The following SPO11 variants were observed in gnomAD, a reference collection of about 807,000 sequenced individuals.
The protein encoded by SPO11 is meiotic recombination protein SPO11.
Under a neutral mutation model 51.6 loss-of-function variants are expected in SPO11, and 49 were observed. The ratio of observed to expected loss-of-function variants is 0.95; its 90% confidence interval spans 0.75 to 1.20. SPO11 has a LOEUF of 1.20. Ranked by LOEUF, SPO11 falls within the 50% of genes most tolerant of loss-of-function variation. The pLI is 0.00. For missense variants in SPO11, 431 were observed against 473.4 expected, an observed-to-expected ratio of 0.91 and a Z score of 0.83; for synonymous variants, 176 against 158.2, an observed-to-expected ratio of 1.11 and a Z score of -0.84.
At chr20:57,330,038 T>C in intron 1 of SPO11, 40 bp downstream of exon 1, 2 of 1,530,540 alleles carry the variant, frequency 1.3e-6, no homozygotes, top group East Asian at 2.4e-5. Flanking sequence ...AGCCACTCTG[T>C]AGAAAAGTCG....
At chr20:57,333,635 G>A (rs1055143520) in intron 3 of SPO11, 52 bp from the exon 4 acceptor site, 2 of 962,948 alleles carry the variant, frequency 2.1e-6, no homozygotes, top group Non-Finnish European at 1.6e-6. Context: ...AGTATCTTTT[G>A]AATCAGTAAG....
chr20:57,339,561 T>G (rs1250422835), intron 10 of SPO11, among the ~76,000 whole-genome samples: 5 of 152,034 alleles, frequency 3.3e-5, no homozygotes, highest in Non-Finnish European at 7.4e-5. Flanking sequence ...CCAAAATCTC[T>G]AGGGGTGGGA....
chr20:57,338,761 A>T (rs1177794245), intron 9 of SPO11, among the ~76,000 whole-genome samples: 1 of 151,782 alleles, frequency 6.6e-6, no homozygotes, highest in African/African-American at 2.4e-5. Flanking sequence ...TGTGTTTTCT[A>T]CTCTCGGGAC....
At chr20:57,333,576 A>T in intron 3 of SPO11, 111 bp from the exon 4 acceptor site, 1 of 710,782 alleles carries the variant, frequency 1.4e-6, no homozygotes, top group East Asian at 2.7e-5. Flanking sequence ...CATTTTGGAA[A>T]GATAATTTTT....
intron 9 of SPO11, among the ~76,000 whole-genome samples, chr20:57,338,660 G>T (rs1267413016): frequency 6.6e-6 from 1 of 151,898 alleles, no homozygotes; most frequent in East Asian, 1.9e-4. Flanking sequence ...GGCCAGGCTG[G>T]TCTCGAACTC....
intron 2 of SPO11, 102 bp downstream of exon 2, chr20:57,332,048 T>C: frequency 1.5e-6 from 1 of 651,502 alleles, no homozygotes; most frequent in Non-Finnish European, 2.4e-6. Context: ...TTATTGCCTT[T>C]ACCTTGCCAA....
intron 12 of SPO11, 64 bp downstream of exon 12, chr20:57,342,904 T>TTTAG: frequency 1.8e-6 from 2 of 1,105,228 alleles, no homozygotes; most frequent in Non-Finnish European, 2.7e-6. Context: ...GTAGTGGCTA[T>TTTAG]TCACATCGTA....
chr20:57,338,473 A>G, intron 9 of SPO11, 98 bp downstream of exon 9: 1 of 886,014 alleles, frequency 1.1e-6, no homozygotes, highest in East Asian at 2.7e-5. Context: ...TTTGAGATTG[A>G]GTCCTGCTCT....
At chr20:57,336,381 T>C (rs2066513695) in intron 8 of SPO11, among the ~76,000 whole-genome samples, 1 of 152,178 alleles carries the variant, frequency 6.6e-6, no homozygotes, top group Non-Finnish European at 1.5e-5. Flanking sequence ...CCTTTCTCCT[T>C]AATCCTTCCC....
chr20:57,334,359 T>C (rs556298434), intron 5 of SPO11, among the ~76,000 whole-genome samples: 26 of 152,280 alleles, frequency 1.7e-4, no homozygotes, highest in African/African-American at 6.0e-4. Context: ...TTTCACTGTG[T>C]TAGCCAGGAT....
At chr20:57,339,396 A>G (rs1478463448) in intron 10 of SPO11, among the ~76,000 whole-genome samples, 1 of 152,050 alleles carries the variant, frequency 6.6e-6, no homozygotes, top group Non-Finnish European at 1.5e-5. Flanking sequence ...CTTTTCTCCC[A>G]CCATAAGGAG....
chr20:57,343,813 A>G lies in SPO11; in HGVS notation c.*353A>G, dbSNP rs2066612465. The G allele has an allele frequency of 6.4e-6, 1 of 156,598 alleles. No individual in the cohort carries two copies. The highest frequency in any genetic ancestry group is 2.4e-5 in the African/African-American group (1 of 41,534). The allele number at this position is 156,598 out of a possible 1,614,324, so 9.7% of individuals were successfully genotyped here. ...TACGATACAACTAATGTTAACGCATAAAGTATCTTACTGGTAACAAAAATC... is the reference window on the plus strand; with the variant it reads ...TACGATACAACTAATGTTAACGCATGAAGTATCTTACTGGTAACAAAAATC... On this transcript the variant is annotated 3_prime_UTR_variant, in exon 13 of 13. Transcript: ENST00000371263.
At chr20:57,336,851 A>G (rs1272852049) in intron 8 of SPO11, among the ~76,000 whole-genome samples, 1 of 152,184 alleles carries the variant, frequency 6.6e-6, no homozygotes, top group Non-Finnish European at 1.5e-5. Context: ...TGTTTATCAC[A>G]TGTCAACTTG....
intron 8 of SPO11, 106 bp from the exon 9 acceptor site, chr20:57,338,170 C>T (rs748417579): frequency 7.8e-5 from 66 of 841,642 alleles, no homozygotes; most frequent in African/African-American, 7.6e-4. Flanking sequence ...GGATTACAGG[C>T]GTGAACCACT....
intron 3 of SPO11, 152 bp from the exon 4 acceptor site, chr20:57,333,535 C>T (rs2066474161): frequency 1.6e-6 from 1 of 631,472 alleles, no homozygotes; most frequent in African/African-American, 1.9e-5. Context: ...TTAACTGATT[C>T]TGCAGGTAAT....
chr20:57,342,257 A>G (rs1400788417), intron 11 of SPO11, among the ~76,000 whole-genome samples: 2 of 152,190 alleles, frequency 1.3e-5, no homozygotes, highest in Admixed American at 6.5e-5. Context: ...AGAATCTTCA[A>G]ATGAATTATG....
intron 1 of SPO11, among the ~76,000 whole-genome samples, chr20:57,330,684 G>T (rs779963282): frequency 3.3e-5 from 5 of 152,092 alleles, no homozygotes; most frequent in Non-Finnish European, 7.4e-5. Context: ...TTGCTTTCTT[G>T]GTTGAGCAAA....
chr20:57,337,756 G>C (rs757254817), intron 8 of SPO11: 3 of 1,309,300 alleles, frequency 2.3e-6, no homozygotes, highest in Non-Finnish European at 3.0e-6. Context: ...CAGTCTTTCA[G>C]CACCTGAAAT....
chr20:57,333,578 A>G (rs1040789084), intron 3 of SPO11, 109 bp from the exon 4 acceptor site: 1 of 716,696 alleles, frequency 1.4e-6, no homozygotes, highest in Non-Finnish European at 2.4e-6. Context: ...TTTTGGAAAG[A>G]TAATTTTTTA....
Sources: allele counts gnomAD v4.1 joint callset (sites outside exome capture counted in the v4.1 genomes callset), GRCh38; gene constraint gnomAD v4.1.1; transcripts MANE v1.5; gene names NCBI Gene and HGNC (gene_info 2026-07-23, HGNC 2026-07-21).